The following OPCML variants were observed in gnomAD, a reference collection of about 807,000 sequenced individuals.
The protein encoded by OPCML is opioid-binding protein/cell adhesion molecule.
A neutral mutation model predicts 37.8 loss-of-function variants in OPCML; 13 were observed. That is an observed-to-expected ratio of 0.34 (90% CI 0.22 to 0.55). The LOEUF (loss-of-function observed/expected upper bound fraction) is 0.55. Among genes scored for constraint, OPCML ranks in the 20% least tolerant of loss-of-function variants. The pLI is 0.91. For synonymous variants in OPCML, 176 were observed against 168.8 expected, an observed-to-expected ratio of 1.04 and a Z score of -0.33; for missense variants, 341 against 435.6, an observed-to-expected ratio of 0.78 and a Z score of 1.93.
intron 2 of OPCML, among the ~76,000 whole-genome samples, chr11:132,906,053 A>G (rs1944229579): frequency 6.6e-6 from 1 of 152,218 alleles, no homozygotes; most frequent in Non-Finnish European, 1.5e-5. Context: ...TTTGAAATGC[A>G]GCCTAAAATG....
At chr11:132,619,962 CTATT>C (rs1360960220) in intron 3 of OPCML, among the ~76,000 whole-genome samples, 1 of 151,792 alleles carries the variant, frequency 6.6e-6, no homozygotes, top group Non-Finnish European at 1.5e-5. Context: ...GACATTAAAT[CTATT>C]TAGCATGTCA....
intron 1 of OPCML, among the ~76,000 whole-genome samples, chr11:133,518,227 G>A (rs116720407): frequency 6.6e-6 from 1 of 151,794 alleles, no homozygotes; most frequent in Non-Finnish European, 1.5e-5. Context: ...GTGTGGGGGG[G>A]TGTGTTTGTG....
chr11:133,171,619 C>T (rs188233587), intron 1 of OPCML, among the ~76,000 whole-genome samples: 6 of 152,294 alleles, frequency 3.9e-5, no homozygotes, highest in South Asian at 2.1e-4. Context: ...TGTCTGATGC[C>T]GGGTTGTCTG....
chr11:133,501,878 A>T (rs1050953582), intron 1 of OPCML, among the ~76,000 whole-genome samples: 11 of 151,744 alleles, frequency 7.2e-5, no homozygotes, highest in African/African-American at 2.7e-4. Context: ...CTCCGTCCTA[A>T]TCCAGCAGCC....
chr11:132,654,827 T>G (rs564037748), intron 3 of OPCML, among the ~76,000 whole-genome samples: 221 of 150,796 alleles, frequency 1.5e-3, no homozygotes, highest in African/African-American at 4.5e-3. Flanking sequence ...CAAAAGAATA[T>G]CCTCCCCTCC....
chr11:132,549,174 G>A (rs1202933863), intron 3 of OPCML, among the ~76,000 whole-genome samples: 1 of 152,150 alleles, frequency 6.6e-6, no homozygotes, highest in Non-Finnish European at 1.5e-5. Flanking sequence ...AACCAAGATG[G>A]CGAAGAAAGT....
intron 1 of OPCML, among the ~76,000 whole-genome samples, chr11:133,039,677 T>C (rs570806956): frequency 6.0e-4 from 91 of 152,214 alleles, no homozygotes; most frequent in African/African-American, 2.1e-3. Flanking sequence ...ACGTCCTTCT[T>C]GGCAGTCATG....
chr11:132,938,273 A>G (rs1312924982), intron 2 of OPCML, among the ~76,000 whole-genome samples: 1 of 151,984 alleles, frequency 6.6e-6, no homozygotes, highest in Non-Finnish European at 1.5e-5. Context: ...ACTAACCATA[A>G]CCACACATGA....
intron 2 of OPCML, among the ~76,000 whole-genome samples, chr11:132,709,227 A>G (rs1178909013): frequency 6.6e-6 from 1 of 152,196 alleles, no homozygotes; most frequent in Non-Finnish European, 1.5e-5. Context: ...ATAAAAGTGC[A>G]GTCTTTCAAG....
intron 1 of OPCML, among the ~76,000 whole-genome samples, chr11:133,147,524 A>C (rs1438280142): frequency 6.6e-6 from 1 of 152,106 alleles, no homozygotes; most frequent in Non-Finnish European, 1.5e-5. Context: ...AGTGACTTTG[A>C]CCTTAGCAAG....
chr11:132,473,798 C>A (rs918060684), intron 4 of OPCML, among the ~76,000 whole-genome samples: 1 of 151,890 alleles, frequency 6.6e-6, no homozygotes, highest in Non-Finnish European at 1.5e-5. Context: ...TGCACTCCAG[C>A]CTTGGTGACA....
intron 3 of OPCML, among the ~76,000 whole-genome samples, chr11:132,613,389 A>C (rs1938786016): frequency 6.6e-6 from 1 of 152,240 alleles, no homozygotes; most frequent in Non-Finnish European, 1.5e-5. Flanking sequence ...AAAGACAGCT[A>C]TATTTTCAGT....
At chr11:133,308,995 T>C (rs1234631210) in intron 1 of OPCML, among the ~76,000 whole-genome samples, 1 of 152,016 alleles carries the variant, frequency 6.6e-6, no homozygotes, top group Non-Finnish European at 1.5e-5. Context: ...AATGGAGGAG[T>C]AGACCATTCT....
intron 3 of OPCML, among the ~76,000 whole-genome samples, chr11:132,581,602 G>A (rs2096462071): frequency 6.6e-6 from 1 of 152,182 alleles, no homozygotes; most frequent in South Asian, 2.1e-4. Flanking sequence ...GCAGAGAAGA[G>A]AGCTCAGCTC....
rs1189856542 is a variant in OPCML at position 133,180,663 on chromosome 11, G to A, written c.62-237653C>T. Among the ~76,000 whole-genome samples the A allele has an allele frequency of 2.0e-5, 3 of 152,062 alleles. No homozygotes were observed. In the East Asian group the frequency reaches 5.8e-4, roughly 29 times the overall value. ...ACACATGGTTGGGAGGAGGGGCTGTGAGTAGGATGAGCGTCCTACCTTGCT... is the reference window on the plus strand; with the variant it reads ...ACACATGGTTGGGAGGAGGGGCTGTAAGTAGGATGAGCGTCCTACCTTGCT... On this transcript the variant is annotated intron_variant, in intron 1 of 7. Coordinates refer to ENST00000524381, the MANE Select transcript of OPCML (RefSeq NM_001012393.5).
chr11:133,107,092 A>G (rs1325756621), intron 1 of OPCML, among the ~76,000 whole-genome samples: 1 of 152,222 alleles, frequency 6.6e-6, no homozygotes, highest in Non-Finnish European at 1.5e-5. Flanking sequence ...AACTCTCTCT[A>G]GCCCCAGGCC....
chr11:132,692,252 T>G (rs73051164), intron 2 of OPCML, among the ~76,000 whole-genome samples: 15,029 of 151,136 alleles, frequency 0.099, 879 homozygotes, highest in Non-Finnish European at 0.13. Context: ...AAAAATGAGC[T>G]GTTGTTCACA....
At chr11:133,149,604 G>A (rs1384433949) in intron 1 of OPCML, among the ~76,000 whole-genome samples, 1 of 152,204 alleles carries the variant, frequency 6.6e-6, no homozygotes, top group Admixed American at 6.5e-5. Flanking sequence ...TGTTGCCAGA[G>A]ACAGAAGAAA....
At chr11:132,837,347 C>T (rs1409949791) in intron 2 of OPCML, among the ~76,000 whole-genome samples, 4 of 150,604 alleles carry the variant, frequency 2.7e-5, no homozygotes, top group Non-Finnish European at 5.9e-5. Context: ...AACAAACAAA[C>T]AAAACAGTAA....
Sources: gnomAD v4.1 joint callset for allele counts (sites outside exome capture counted in the v4.1 genomes callset) on GRCh38, gnomAD v4.1.1 for gene constraint, MANE v1.5 for transcripts, NCBI Gene and HGNC (gene_info 2026-07-23, HGNC 2026-07-21) for gene names.